Variants in SCAI observed in about 807,000 individuals in gnomAD.
The protein encoded by SCAI is protein SCAI.
In SCAI, 24 loss-of-function variants were observed where a neutral mutation model predicts 92.2. The ratio of observed to expected loss-of-function variants is 0.26; its 90% confidence interval spans 0.19 to 0.37. The LOEUF (loss-of-function observed/expected upper bound fraction) is 0.37. Among genes scored for constraint, SCAI ranks in the 10% least tolerant of loss-of-function variants. The probability of loss-of-function intolerance (pLI) is 1.00; values close to 1 mark genes in which losing one functional copy is unlikely to be tolerated. For missense variants in SCAI, 450 were observed against 736.2 expected (o/e 0.61, Z 4.50); for synonymous variants, 261 against 258.6 (o/e 1.01, Z -0.09).
At chr9:124,953,838 T>A (rs1831272297) in intron 17 of SCAI, among the ~76,000 whole-genome samples, 1 of 152,214 alleles carries the variant, frequency 6.6e-6, no homozygotes, top group East Asian at 1.9e-4. Flanking sequence ...AATGTTAACT[T>A]CTCTCTACCT....
chr9:125,107,979 G>A (rs1046403315), intron 2 of SCAI, among the ~76,000 whole-genome samples: 25 of 152,298 alleles, frequency 1.6e-4, no homozygotes, highest in African/African-American at 6.0e-4. Flanking sequence ...TTGCAGGCGC[G>A]CGCCGCCATG....
In SCAI at chr9:124,975,995, A is replaced by C. The variant is rs878954103; in HGVS notation, c.1399+119T>G. 12 of 650,044 alleles carry C rather than the reference A, an allele frequency of 1.8e-5. 1 individual carries two copies. In the South Asian group the frequency reaches 2.3e-4, roughly 13 times the overall value. 40.3% of individuals were successfully genotyped at this position (650,044 alleles called of 1,614,324 possible). The stretch of plus-strand genomic sequence containing the variant: ...ATTTCAGAGCGACACCTGCCATATT[A>C]AACACCATAAATCCACACGCGATCA... On this transcript the variant is annotated intron_variant, in intron 15 of 17. Coordinates refer to ENST00000336505, the MANE Select transcript of SCAI (RefSeq NM_001144877.3).
At chr9:125,107,177 G>T (rs527965461) in intron 2 of SCAI, among the ~76,000 whole-genome samples, 1 of 152,000 alleles carries the variant, frequency 6.6e-6, no homozygotes, top group Non-Finnish European at 1.5e-5. Flanking sequence ...TTGGGAGGCC[G>T]AGGGGAGAGG....
At chr9:125,028,039 T>C (rs1010840240) in intron 5 of SCAI, among the ~76,000 whole-genome samples, 4 of 152,202 alleles carry the variant, frequency 2.6e-5, no homozygotes, top group Non-Finnish European at 5.9e-5. Flanking sequence ...AAACCATTCA[T>C]TCACATATAC....
intron 2 of SCAI, among the ~76,000 whole-genome samples, chr9:125,077,628 A>T (rs1186496272): frequency 6.6e-6 from 1 of 152,148 alleles, no homozygotes; most frequent in Non-Finnish European, 1.5e-5. Flanking sequence ...GTCTAGAGAG[A>T]TTTGGATTTC....
chr9:125,019,554 C>T (rs1588156008), intron 7 of SCAI, among the ~76,000 whole-genome samples: 1 of 151,922 alleles, frequency 6.6e-6, no homozygotes, highest in Admixed American at 6.6e-5. Flanking sequence ...AATCCCAGCC[C>T]TTTGGGAGGT....
intron 2 of SCAI, among the ~76,000 whole-genome samples, chr9:125,105,836 C>G (rs1474007541): frequency 1.3e-5 from 2 of 151,724 alleles, no homozygotes; most frequent in Non-Finnish European, 2.9e-5. Flanking sequence ...CGGTGGCTCA[C>G]GCCTGTAATC....
At chr9:125,109,331 G>A (rs1219289494) in intron 2 of SCAI, among the ~76,000 whole-genome samples, 3 of 151,704 alleles carry the variant, frequency 2.0e-5, no homozygotes, top group African/African-American at 7.3e-5. Flanking sequence ...CCCCCTCTGC[G>A]AGAAACACCC....
At chr9:125,046,196 G>GATATATATATATATATATATATATAT (rs71374222) in intron 3 of SCAI, among the ~76,000 whole-genome samples, 2 of 51,878 alleles carry the variant, frequency 3.9e-5, no homozygotes, top group Non-Finnish European at 7.2e-5. Flanking sequence ...GAAATTGTGA[G>GATATATATATATATATATATATATAT]ATATATATAT....
At chr9:125,081,399 G>A (rs1222116911) in intron 2 of SCAI, among the ~76,000 whole-genome samples, 2 of 152,172 alleles carry the variant, frequency 1.3e-5, no homozygotes, top group Non-Finnish European at 2.9e-5. Flanking sequence ...TTAGGAACTG[G>A]AGCAAAGGCA....
At chr9:124,993,073 AC>A (rs1197978832) in intron 14 of SCAI, among the ~76,000 whole-genome samples, 1 of 152,226 alleles carries the variant, frequency 6.6e-6, no homozygotes, top group Admixed American at 6.5e-5. Flanking sequence ...AATACATTGG[AC>A]CCAGTGCAAA....
intron 9 of SCAI, among the ~76,000 whole-genome samples, chr9:125,018,512 G>A (rs1832807583): frequency 6.6e-6 from 1 of 152,146 alleles, no homozygotes; most frequent in Non-Finnish European, 1.5e-5. Flanking sequence ...TTTTTCCTGT[G>A]TGCATACATA....
intron 17 of SCAI, among the ~76,000 whole-genome samples, chr9:124,964,880 TA>T (rs766816949): frequency 1.3e-5 from 2 of 152,212 alleles, no homozygotes; most frequent in Admixed American, 6.5e-5. Context: ...GCTTTATAGA[TA>T]AAGACTCTCC....
intron 2 of SCAI, among the ~76,000 whole-genome samples, chr9:125,138,083 T>C (rs1024386041): frequency 3.3e-5 from 5 of 152,140 alleles, no homozygotes; most frequent in African/African-American, 1.2e-4. Context: ...TATCTGCTTC[T>C]TTCATTTCTT....
chr9:125,133,599 C>T (rs1005094749), intron 2 of SCAI, among the ~76,000 whole-genome samples: 3 of 152,252 alleles, frequency 2.0e-5, no homozygotes, highest in East Asian at 3.9e-4. Context: ...CACAATGACA[C>T]GTACCAGTGT....
chr9:125,113,602 A>T (rs1383084340), intron 2 of SCAI, among the ~76,000 whole-genome samples: 1 of 151,784 alleles, frequency 6.6e-6, no homozygotes, highest in African/African-American at 2.4e-5. Context: ...AAAATATATA[A>T]TCATAACACC....
Position 125,010,888 on chromosome 9 carries a change from T to C in SCAI, c.862-7318A>G, listed in dbSNP as rs549926104. Among the ~76,000 whole-genome samples the C allele has an allele frequency of 2.0e-5, 3 of 152,246 alleles. No homozygotes were observed. In the East Asian group the frequency reaches 5.8e-4, roughly 29 times the overall value. ...TTCACGGTTCACGAAAATCCGCTGT[T>C]CTGCAGCCACCACTGCTGGTACCCA... On this transcript the variant is annotated intron_variant, in intron 9 of 17. Transcript: ENST00000336505.
chr9:124,957,431 C>T (rs1359694743), intron 17 of SCAI, among the ~76,000 whole-genome samples: 6 of 151,198 alleles, frequency 4.0e-5, no homozygotes, highest in Admixed American at 6.6e-5. Context: ...GGTGCAATCT[C>T]GGCTCATTGC....
chr9:124,992,399 G>A (rs75035849), intron 14 of SCAI, among the ~76,000 whole-genome samples: 1 of 110,794 alleles, frequency 9.0e-6, no homozygotes, highest in African/African-American at 3.5e-5. Flanking sequence ...TTTTTTTTTT[G>A]TTGAGACAGA....
Sources: gnomAD v4.1 joint callset for allele counts (sites outside exome capture counted in the v4.1 genomes callset) on GRCh38, gnomAD v4.1.1 for gene constraint, MANE v1.5 for transcripts, NCBI Gene and HGNC (gene_info 2026-07-23, HGNC 2026-07-21) for gene names.